MCHR1: variants seen among roughly 807,000 people sequenced by gnomAD.
The protein encoded by MCHR1 is melanin concentrating hormone receptor 1, also known as melanin-concentrating hormone receptor 1.
Under a neutral mutation model 20.4 loss-of-function variants are expected in MCHR1, and 13 were observed. The ratio of observed to expected loss-of-function variants is 0.64; its 90% CI spans 0.41 to 1.01. The LOEUF (loss-of-function observed/expected upper bound fraction) is 1.01. Among genes scored for constraint, MCHR1 ranks in the 50% least tolerant of loss-of-function variants. The pLI is 0.00. For missense variants in MCHR1, 472 were observed against 477.0 expected, an observed-to-expected ratio of 0.99 and a Z score of 0.10; for synonymous variants, 215 against 204.4, an observed-to-expected ratio of 1.05 and a Z score of -0.44.
intron 1 of MCHR1, among the ~76,000 whole-genome samples, chr22:40,680,547 T>C (rs113490870): frequency 2.0e-5 from 3 of 150,772 alleles, no homozygotes; most frequent in African/African-American, 7.3e-5. Context: ...AATGAAACAC[T>C]CAGGGCTACA....
At position 40,680,986 on chromosome 22, in the gene MCHR1, C is replaced by A; in HGVS notation, c.120C>A (p.Asn40Lys). The change falls in exon 2 of 2, where the codon AAC (asparagine) becomes AAA (lysine). Residue 40 changes from asparagine (N) to lysine (K), a missense_variant. Physicochemically the swap from Asn to Lys is moderately conservative, Grantham distance 94. Coordinates refer to ENST00000249016, the MANE Select transcript of MCHR1 (RefSeq NM_005297.4). ...GCACGGGGAGCATCTCCTACATCAACATCATCATGCCTTCGGTGTTCGGCA... is the reference window on the plus strand; with the variant it reads ...GCACGGGGAGCATCTCCTACATCAAAATCATCATGCCTTCGGTGTTCGGCA... ...PPRTGSISYI[N>K]IIMPSVFGTI... The A allele has an allele frequency of 2.5e-6, 4 of 1,614,174 alleles. No individual in the cohort carries two copies. The highest frequency in any genetic ancestry group is 3.4e-6 in the Non-Finnish European group (4 of 1,180,050).
At position 40,681,718 on chromosome 22, in the gene MCHR1, C is replaced by T. The variant is rs147001709; in HGVS notation, c.852C>T (p.Arg284=). 4.8e-5 allele frequency: 78 copies of T among 1,614,154 alleles called. No individual in the cohort carries two copies. Among genetic ancestry groups the T allele is most frequent in the Non-Finnish European group, 8.5e-6 (10 of 1,180,056 alleles). The change falls in exon 2 of 2, where the codon CGC becomes CGT. Residue 284 remains arginine (R), a synonymous_variant. Coordinates refer to ENST00000249016, the MANE Select transcript of MCHR1 (RefSeq NM_005297.4). The surrounding 1 kb of genome is among the most constrained non-coding windows in gnomAD (Gnocchi z 4.3). ...AGCTGACCCAGTTGTCCATCAGCCG[C>T]CCGACCCTCACCTTTGTCTACTTAT... ...VLQLTQLSIS[R]PTLTFVYLYN...
At position 40,681,647 on chromosome 22, in the gene MCHR1, A is replaced by G. The variant is rs772055671; in HGVS notation, c.781A>G (p.Ile261Val). The change falls in exon 2 of 2, where the codon ATC becomes GTC. Residue 261 changes from isoleucine (I) to valine (V), a missense_variant. By Grantham distance (29) the Ile-to-Val change is conservative. Coordinates refer to ENST00000249016, the MANE Select transcript of MCHR1 (RefSeq NM_005297.4). This position sits in a 1 kb window ranked among gnomAD's most constrained non-coding sequence, Gnocchi z 4.3. ...GAGGGTGACCCGCACAGCCATCGCC[A>G]TCTGTCTGGTCTTCTTTGTGTGCTG... ...TKRVTRTAIA[I>V]CLVFFVCWAP... 1.9e-6 allele frequency: 3 copies of G among 1,614,272 alleles called. No individual in the cohort carries two copies. The highest frequency in any genetic ancestry group is 1.1e-5 in the South Asian group (1 of 91,090).
intron 1 of MCHR1, among the ~76,000 whole-genome samples, chr22:40,680,525 A>G (rs997895998): frequency 6.6e-6 from 1 of 152,060 alleles, no homozygotes; most frequent in Non-Finnish European, 1.5e-5. Context: ...GTTTCCAACC[A>G]GAGATCTCCA....
intron 1 of MCHR1, 93 bp from the exon 2 acceptor site, chr22:40,680,856 G>A: frequency 6.3e-7 from 1 of 1,587,058 alleles, no homozygotes; most frequent in East Asian, 2.2e-5. Context: ...CAGATGAACG[G>A]TGGGTCGCTG....
Position 40,682,163 on chromosome 22 carries a change from T to C in MCHR1, c.*235T>C. On this transcript the variant is annotated 3_prime_UTR_variant, in exon 2 of 2. Coordinates refer to ENST00000249016, the MANE Select transcript of MCHR1 (RefSeq NM_005297.4). The stretch of plus-strand genomic sequence containing the variant: ...CCTTGGGGGAGCAGGATGAGACCTT[T>C]GGATAGAACAGAAGCTGAGCAAGAG... The C allele has an allele frequency of 1.7e-6, 1 of 584,172 alleles. No individual in the cohort carries two copies. The highest frequency in any genetic ancestry group is 3.0e-6 in the Non-Finnish European group (1 of 327,922). 36.2% of individuals were successfully genotyped at this position (584,172 alleles called of 1,614,324 possible).
rs2147492323 is a variant in MCHR1 at position 40,682,325 on chromosome 22, T to C, written c.*397T>C. 1 of 256,024 alleles carries C rather than the reference T, an allele frequency of 3.9e-6. No homozygotes were observed. Among genetic ancestry groups the C allele is most frequent in the Non-Finnish European group, 7.8e-6 (1 of 128,402 alleles). 15.9% of individuals were successfully genotyped at this position (256,024 alleles called of 1,614,324 possible). The stretch of plus-strand genomic sequence containing the variant: ...GCTGGAGTGAGCAGCCAGGGCCATG[T>C]TGCACAAGGCCTGAGAGACGGGAAA... On this transcript the variant is annotated 3_prime_UTR_variant, in exon 2 of 2. Coordinates refer to ENST00000249016, the MANE Select transcript of MCHR1 (RefSeq NM_005297.4).
chr22:40,679,715 C>G lies in MCHR1; in HGVS notation c.63C>G (p.Pro21=), dbSNP rs199562293. 7.4e-6 allele frequency: 12 copies of G among 1,614,016 alleles called. No homozygotes were observed. The East Asian group carries it at 2.2e-4, about 30-fold the overall frequency. The change falls in exon 1 of 2, where the codon CCC becomes CCG. Residue 21 remains proline (P), a synonymous_variant. Transcript: ENST00000249016. ...GPNASNTSDG[P]DNLTSAGSPP... ...ACGCCAGCAACACCTCTGATGGCCC[C>G]GATAACCTCACTTCGGCAGGTGAGT...
At chr22:40,679,795 C>G in intron 1 of MCHR1, 61 bp downstream of exon 1, 5 of 1,572,496 alleles carry the variant, frequency 3.2e-6, no homozygotes, top group Non-Finnish European at 3.5e-6. Context: ...AAGGTTTCAC[C>G]CCTGAGCCAA....
chr22:40,681,863 C>G lies in MCHR1; in HGVS notation c.997C>G (p.Gln333Glu). Residue 333 changes from glutamine to glutamate, a missense_variant, in exon 2 of 2, where the codon CAG becomes GAG. Physicochemically the swap from Gln to Glu is conservative, Grantham distance 29. Coordinates refer to ENST00000249016, the MANE Select transcript of MCHR1 (RefSeq NM_005297.4). The surrounding 1 kb of genome is among the most constrained non-coding windows in gnomAD (Gnocchi z 4.3). ...GTCGGTGAAGCCTGCAGCCCAGGGG[C>G]AGCTTCGCGCTGTCAGCAACGCTCA... ...VLSVKPAAQG[Q>E]LRAVSNAQTA... is the part of the protein sequence containing the mutation. 6.2e-7 allele frequency: 1 copy of G among 1,613,788 alleles called. No individual in the cohort carries two copies. Among genetic ancestry groups the G allele is most frequent in the Non-Finnish European group, 8.5e-7 (1 of 1,180,050 alleles).
rs1160367497 is a variant in MCHR1, at chr22:40,681,315, C to G, written c.449C>G (p.Ser150Cys). 1.2e-6 allele frequency: 2 copies of G among 1,614,232 alleles called. No individual in the cohort carries two copies. The highest frequency in any genetic ancestry group is 1.7e-6 in the Non-Finnish European group (2 of 1,180,050). ...TACCTGGCCACTGTCCACCCCATCT[C>G]TTCCACGAAGTTCCGGAAGCCCTCT... ...DRYLATVHPI[S>C]STKFRKPSVA... The change falls in exon 2 of 2, where the codon TCT becomes TGT. Residue 150 changes from serine (S) to cysteine (C), a missense_variant. Ser to Cys is a moderately radical substitution (Grantham distance 112). Transcript: ENST00000249016. The surrounding 1 kb of genome is among the most constrained non-coding windows in gnomAD (Gnocchi z 4.3).
rs1281697998 is a variant in MCHR1, at chr22:40,681,292, C to T, written c.426C>T (p.Tyr142=). The T allele has an allele frequency of 1.2e-6, 2 of 1,614,196 alleles. No homozygotes were observed. The highest frequency in any genetic ancestry group is 1.7e-6 in the Non-Finnish European group (2 of 1,180,036). ...TGACCGCCATGGCCATTGACCGCTA[C>T]CTGGCCACTGTCCACCCCATCTCTT... The part of the protein sequence containing the change: ...YILTAMAIDR[Y]LATVHPISST... Residue 142 remains tyrosine (Y), a synonymous_variant, in exon 2 of 2, where the codon TAC becomes TAT. Transcript: ENST00000249016. The surrounding 1 kb of genome is among the most constrained non-coding windows in gnomAD (Gnocchi z 4.3).
At position 40,679,705 on chromosome 22, in the gene MCHR1, C is replaced by A; in HGVS notation, c.53C>A (p.Ser18Tyr). Residue 18 changes from serine to tyrosine, a missense_variant, in exon 1 of 2, where the codon TCT (serine) becomes TAT (tyrosine). Coordinates refer to ENST00000249016, the MANE Select transcript of MCHR1 (RefSeq NM_005297.4). ...ACTGGTCCCAACGCCAGCAACACCTCTGATGGCCCCGATAACCTCACTTCG... is the reference window on the plus strand; with the variant it reads ...ACTGGTCCCAACGCCAGCAACACCTATGATGGCCCCGATAACCTCACTTCG... ...LPTGPNASNT[S>Y]DGPDNLTSAG... The A allele has an allele frequency of 1.2e-6, 2 of 1,614,128 alleles. No homozygotes were observed. Among genetic ancestry groups the A allele is most frequent in the South Asian group, 2.2e-5 (2 of 91,082 alleles).
rs536584952 is a variant in MCHR1, at chr22:40,682,447, G to A, written c.*519G>A. On this transcript the variant is annotated 3_prime_UTR_variant, in exon 2 of 2. Coordinates refer to ENST00000249016, the MANE Select transcript of MCHR1 (RefSeq NM_005297.4). ...TGAAAAATAAAGCATCCCATCTCTC[G>A]GCGTTCCAGCATCCTGTCAATTTCC... The A allele has an allele frequency of 6.3e-5, 11 of 175,504 alleles. No individual in the cohort carries two copies. The highest frequency in any genetic ancestry group is 3.2e-4 in the Admixed American group (6 of 18,628). 10.9% of individuals were successfully genotyped at this position (175,504 alleles called of 1,614,324 possible).
chr22:40,679,721 C>T lies in MCHR1; in HGVS notation c.69C>T (p.Asn23=), dbSNP rs745405187. The T allele has an allele frequency of 3.7e-6, 6 of 1,614,142 alleles. No individual in the cohort carries two copies. The highest frequency in any genetic ancestry group is 1.7e-5 in the Admixed American group (1 of 60,012). Residue 23 remains asparagine, a synonymous_variant, in exon 1 of 2, where the codon AAC becomes AAT. Coordinates refer to ENST00000249016, the MANE Select transcript of MCHR1 (RefSeq NM_005297.4). ...GCAACACCTCTGATGGCCCCGATAA[C>T]CTCACTTCGGCAGGTGAGTTGACTG... The part of the protein sequence containing the change: ...NASNTSDGPD[N]LTSAGSPPRT...
In MCHR1 at chr22:40,681,020, C is replaced by T. The variant is rs184206916; in HGVS notation, c.154C>T (p.Leu52Phe). ...IMPSVFGTICLLGIIGNSTVI... is the reference protein window; with the variant it reads ...IMPSVFGTICFLGIIGNSTVI... ...GCCTTCGGTGTTCGGCACCATCTGCCTCCTGGGCATCATCGGGAACTCCAC... is the reference window on the plus strand; with the variant it reads ...GCCTTCGGTGTTCGGCACCATCTGCTTCCTGGGCATCATCGGGAACTCCAC... The change falls in exon 2 of 2, where the codon CTC (leucine) becomes TTC (phenylalanine). Residue 52 changes from leucine to phenylalanine, a missense_variant. Coordinates refer to ENST00000249016, the MANE Select transcript of MCHR1 (RefSeq NM_005297.4). The surrounding 1 kb of genome is among the most constrained non-coding windows in gnomAD (Gnocchi z 4.3). 24 of 1,614,154 alleles carry T rather than the reference C, an allele frequency of 1.5e-5. No homozygotes were observed. In the Admixed American group the frequency reaches 3.7e-4, roughly 25 times the overall value.
In MCHR1 at chr22:40,681,739, C is replaced by T; in HGVS notation, c.873C>T (p.Tyr291=). 8 of 1,614,278 alleles carry T rather than the reference C, an allele frequency of 5.0e-6. No individual in the cohort carries two copies. Among genetic ancestry groups the T allele is most frequent in the Non-Finnish European group, 6.8e-6 (8 of 1,180,058 alleles). ...GCCGCCCGACCCTCACCTTTGTCTA[C>T]TTATACAATGCGGCCATCAGCTTGG... The part of the protein sequence containing the change: ...SISRPTLTFV[Y]LYNAAISLGY... The change falls in exon 2 of 2, where the codon TAC becomes TAT. Residue 291 remains tyrosine (Y), a synonymous_variant. Coordinates refer to ENST00000249016, the MANE Select transcript of MCHR1 (RefSeq NM_005297.4). This position sits in a 1 kb window ranked among gnomAD's most constrained non-coding sequence, Gnocchi z 4.3.
chr22:40,679,883 G>A (rs924262671), intron 1 of MCHR1, 149 bp downstream of exon 1: 19 of 942,390 alleles, frequency 2.0e-5, no homozygotes, highest in Non-Finnish European at 3.2e-5. Context: ...GGAGAAAAGG[G>A]GGCAATGGTC....
intron 1 of MCHR1, among the ~76,000 whole-genome samples, chr22:40,680,548 C>T (rs557759464): frequency 6.6e-6 from 1 of 150,534 alleles, no homozygotes; most frequent in East Asian, 2.0e-4. Flanking sequence ...ATGAAACACT[C>T]AGGGCTACAC....
Sources: allele counts gnomAD v4.1 joint callset (sites outside exome capture counted in the v4.1 genomes callset), GRCh38; gene constraint gnomAD v4.1.1; non-coding constraint Gnocchi (gnomAD v3.1); transcripts MANE v1.5; gene names NCBI Gene and HGNC (gene_info 2026-07-23, HGNC 2026-07-21).